Variants in COA1 observed in about 807,000 individuals in gnomAD.
The protein encoded by COA1 is cytochrome c oxidase assembly factor 1 homolog.
Under a neutral mutation model 16.0 loss-of-function variants are expected in COA1, and 13 were observed. That is an observed-to-expected ratio of 0.81 (90% confidence interval 0.53 to 1.29). COA1 has a LOEUF of 1.29. COA1 is among the 50% of genes most tolerant of loss of function. COA1 has a pLI of 0.00. For synonymous variants in COA1, 65 were observed against 65.7 expected (o/e 0.99, Z 0.05); for missense variants, 179 against 177.0 (o/e 1.01, Z -0.06).
At chr7:43,629,824 C>T (rs1364581180) in intron 6 of COA1, among the ~76,000 whole-genome samples, 1 of 152,230 alleles carries the variant, frequency 6.6e-6, no homozygotes, top group Admixed American at 6.5e-5. Flanking sequence ...CAGAATCATT[C>T]AGATTTCCTG....
chr7:43,626,005 C>T (rs1382914921), intron 6 of COA1: 1 of 152,038 alleles, frequency 6.6e-6, no homozygotes, highest in Non-Finnish European at 1.5e-5. Flanking sequence ...TATCTATGCC[C>T]CACAGTGACC....
At chr7:43,693,276 A>T (rs546830955) in intron 1 of COA1, among the ~76,000 whole-genome samples, 1 of 152,172 alleles carries the variant, frequency 6.6e-6, no homozygotes, top group Non-Finnish European at 1.5e-5. Flanking sequence ...ACCCATCCCT[A>T]ATCCACCTTG....
At chr7:43,643,664 G>C (rs2087838378) in intron 4 of COA1, among the ~76,000 whole-genome samples, 1 of 152,128 alleles carries the variant, frequency 6.6e-6, no homozygotes, top group African/African-American at 2.4e-5. Flanking sequence ...TGCCACGATG[G>C]CTTCACATCC....
chr7:43,645,452 C>A, intron 3 of COA1, 53 bp from the exon 4 acceptor site: 2 of 1,514,010 alleles, frequency 1.3e-6, no homozygotes, highest in South Asian at 1.1e-5. Flanking sequence ...CAGGTAGAAT[C>A]TACTACACAG....
downstream of COA1, among the ~76,000 whole-genome samples, chr7:43,638,581 T>C (rs1385960167): frequency 3.5e-5 from 5 of 142,566 alleles, no homozygotes; most frequent in Admixed American, 7.0e-5. Flanking sequence ...TTTTTTTTTT[T>C]TTTTTTTTTC....
intron 1 of COA1, among the ~76,000 whole-genome samples, chr7:43,693,470 A>G (rs951062107): frequency 1.3e-5 from 2 of 151,960 alleles, no homozygotes; most frequent in Non-Finnish European, 2.9e-5. Flanking sequence ...CATTCCCACA[A>G]TCATACCCCA....
At chr7:43,721,963 G>A (rs1490962386) in intron 1 of COA1, among the ~76,000 whole-genome samples, 1 of 152,134 alleles carries the variant, frequency 6.6e-6, no homozygotes, top group Non-Finnish European at 1.5e-5. Context: ...CTTAAATATG[G>A]ATGTAGAAGT....
At chr7:43,683,695 T>A (rs553414749) in intron 1 of COA1, among the ~76,000 whole-genome samples, 1 of 152,304 alleles carries the variant, frequency 6.6e-6, no homozygotes, top group East Asian at 1.9e-4. Context: ...ATTTAGTACC[T>A]TTACTATGTG....
intron 1 of COA1, among the ~76,000 whole-genome samples, chr7:43,712,164 G>A (rs1416382394): frequency 6.6e-6 from 1 of 152,044 alleles, no homozygotes; most frequent in Non-Finnish European, 1.5e-5. Flanking sequence ...CCAGGCTGGA[G>A]TACAATGGCA....
At chr7:43,650,332 T>C (rs2090492207) in intron 1 of COA1, 1 of 152,198 alleles carries the variant, frequency 6.6e-6, no homozygotes, top group Admixed American at 6.5e-5. Flanking sequence ...TCTTATTTAT[T>C]TACTTATTTT....
chr7:43,706,183 AAT>A (rs1159517305), intron 1 of COA1, among the ~76,000 whole-genome samples: 2 of 152,158 alleles, frequency 1.3e-5, no homozygotes, highest in African/African-American at 4.8e-5. Context: ...GGAAAAAAAA[AAT>A]CTCTTTTACA....
chr7:43,710,375 A>AAAAAATATATATATAT (rs761592421), intron 1 of COA1, among the ~76,000 whole-genome samples: 2 of 36,434 alleles, frequency 5.5e-5, no homozygotes, highest in Non-Finnish European at 9.4e-5. Flanking sequence ...AAAAAAAAAA[A>AAAAAATATATATATAT]ATATATATAT....
intron 1 of COA1, among the ~76,000 whole-genome samples, chr7:43,723,492 A>C (rs2095550921): frequency 6.6e-6 from 1 of 152,238 alleles, no homozygotes; most frequent in African/African-American, 2.4e-5. Context: ...TAATTGCCAA[A>C]GCATCCAAAT....
intron 1 of COA1, among the ~76,000 whole-genome samples, chr7:43,699,528 AAAGAT>A (rs2131325285): frequency 6.6e-6 from 1 of 152,266 alleles, no homozygotes; most frequent in Non-Finnish European, 1.5e-5. Context: ...TCCAGTCTTG[AAAGAT>A]TAGATTTCCA....
At chr7:43,714,699 C>T (rs2095346718) in intron 1 of COA1, among the ~76,000 whole-genome samples, 1 of 150,648 alleles carries the variant, frequency 6.6e-6, no homozygotes, top group South Asian at 2.1e-4. Flanking sequence ...ACACGGGATA[C>T]TAGAAGAAAT....
intron 1 of COA1, among the ~76,000 whole-genome samples, chr7:43,695,661 GAA>G (rs905308273): frequency 2.0e-5 from 3 of 151,996 alleles, no homozygotes; most frequent in African/African-American, 7.2e-5. Flanking sequence ...AGAGAAATAT[GAA>G]AAGTCATTAC....
chr7:43,662,408 T>G (rs926672661), intron 1 of COA1, among the ~76,000 whole-genome samples: 1 of 152,178 alleles, frequency 6.6e-6, no homozygotes, highest in Non-Finnish European at 1.5e-5. Flanking sequence ...TTTTTTTGTA[T>G]TTTTAGTAGA....
At chr7:43,663,354 G>T (rs2092618284) in intron 1 of COA1, among the ~76,000 whole-genome samples, 1 of 152,024 alleles carries the variant, frequency 6.6e-6, no homozygotes, top group African/African-American at 2.4e-5. Context: ...TTCCTTCATA[G>T]CAAAATAAAA....
chr7:43,678,625 TA>T (rs1432095876), intron 1 of COA1, among the ~76,000 whole-genome samples: 1 of 151,966 alleles, frequency 6.6e-6, no homozygotes, highest in Admixed American at 6.6e-5. Flanking sequence ...CAACAAAAAA[TA>T]GGCAAATTCA....
Sources: allele counts gnomAD v4.1 joint callset (sites outside exome capture counted in the v4.1 genomes callset), GRCh38; gene constraint gnomAD v4.1.1; transcripts MANE v1.5; gene names NCBI Gene and HGNC (gene_info 2026-07-23, HGNC 2026-07-21).